Variants in ITSN1 observed in about 807,000 individuals in gnomAD.
The protein encoded by ITSN1 is intersectin 1.
A neutral mutation model predicts 239.8 loss-of-function variants in ITSN1; 58 were observed. That is an observed-to-expected ratio of 0.24 (90% confidence interval 0.20 to 0.30). The LOEUF (loss-of-function observed/expected upper bound fraction) is 0.30, where lower values mean the gene tolerates loss of function less well. Among genes scored for constraint, ITSN1 ranks in the 10% least tolerant of loss-of-function variants. The pLI is 1.00. For synonymous variants in ITSN1, 780 were observed against 770.8 expected, an observed-to-expected ratio of 1.01 and a Z score of -0.20; for missense variants, 1,558 against 2,103.3, an observed-to-expected ratio of 0.74 and a Z score of 5.07.
At chr21:33,837,389 G>A (rs2074658766) in intron 29 of ITSN1, 4 of 990,454 alleles carry the variant, frequency 4.0e-6, no homozygotes, top group East Asian at 2.2e-4. Context: ...TGCTATTTTG[G>A]TTTTGCAAAA....
intron 29 of ITSN1, among the ~76,000 whole-genome samples, chr21:33,843,521 C>T (rs1382228897): frequency 3.3e-5 from 5 of 152,222 alleles, no homozygotes; most frequent in Admixed American, 3.3e-4. Flanking sequence ...GCTGTAGCTT[C>T]CCAATTTTCA....
At chr21:33,840,848 G>C (rs953098713) in intron 29 of ITSN1, among the ~76,000 whole-genome samples, 1 of 152,142 alleles carries the variant, frequency 6.6e-6, no homozygotes, top group African/African-American at 2.4e-5. Context: ...ATTTCATATT[G>C]GTCTGTGTAA....
chr21:33,839,384 C>T lies in ITSN1; in HGVS notation c.3661+2752C>T, dbSNP rs369561361. Among the ~76,000 whole-genome samples the T allele has an allele frequency of 3.3e-5, 5 of 151,310 alleles. No homozygotes were observed. In the East Asian group the frequency reaches 7.8e-4, roughly 24 times the overall value. ...ATCAGAGAACCTTCAGGGGGTGGGG[C>T]GGGGAGTGCCATTTGAGCTGAGACC... On this transcript the variant is annotated intron_variant, in intron 29 of 39. Transcript: ENST00000381318.
intron 10 of ITSN1, 75 bp from the exon 11 acceptor site, chr21:33,767,638 C>A: frequency 1.4e-6 from 1 of 696,730 alleles, no homozygotes; most frequent in Non-Finnish European, 2.4e-6. Flanking sequence ...CTTTAAAAAT[C>A]CTTCTTCATA....
intron 1 of ITSN1, among the ~76,000 whole-genome samples, chr21:33,715,906 GA>G (rs1255570267): frequency 6.6e-6 from 1 of 152,098 alleles, no homozygotes; most frequent in Non-Finnish European, 1.5e-5. Flanking sequence ...GACGGAGTGA[GA>G]CTCTGTCTCA....
intron 29 of ITSN1, chr21:33,838,009 A>G (rs1209454343): frequency 4.1e-6 from 4 of 985,678 alleles, no homozygotes; most frequent in Non-Finnish European, 1.2e-6. Context: ...AAGAATGTAT[A>G]GAAGTCTCCC....
At chr21:33,736,676 G>A (rs2066525409) in intron 5 of ITSN1, among the ~76,000 whole-genome samples, 1 of 152,182 alleles carries the variant, frequency 6.6e-6, no homozygotes, top group East Asian at 1.9e-4. Context: ...TCAGGACCCA[G>A]GCGTTAAAAT....
rs144048618 is a variant in ITSN1 at position 33,774,791 on chromosome 21, A to C, written c.1368A>C (p.Glu456Asp). Residue 456 changes from glutamate (E) to aspartate (D), a missense_variant, in exon 13 of 40, where the codon GAA becomes GAC. Transcript: ENST00000381318. ...QLEWERNRRQ[E>D]LLNQRNKEQE... ...AGTGGGAACGGAATCGAAGGCAAGA[A>C]CTACTAAATCAAAGAAACAAAGAAC... 3.1e-6 allele frequency: 5 copies of C among 1,613,962 alleles called. No individual in the cohort carries two copies. In the African/African-American group the frequency reaches 4.0e-5, roughly 13 times the overall value.
chr21:33,688,143 T>C (rs1020864157), intron 1 of ITSN1, among the ~76,000 whole-genome samples: 3 of 152,166 alleles, frequency 2.0e-5, no homozygotes, highest in Admixed American at 2.0e-4. Context: ...TGGACTGTTA[T>C]TTCATGTATT....
At chr21:33,681,204 T>C (rs2090929668) in intron 1 of ITSN1, among the ~76,000 whole-genome samples, 1 of 152,202 alleles carries the variant, frequency 6.6e-6, no homozygotes, top group Non-Finnish European at 1.5e-5. Context: ...TATGTGTTTG[T>C]ATGGAGCGAT....
At chr21:33,754,408 T>A (rs2067775466) in intron 7 of ITSN1, among the ~76,000 whole-genome samples, 1 of 152,226 alleles carries the variant, frequency 6.6e-6, no homozygotes, top group Non-Finnish European at 1.5e-5. Flanking sequence ...TTTACATGTT[T>A]GAATAGATAT....
At chr21:33,664,841 A>G (rs1391015717) in intron 1 of ITSN1, among the ~76,000 whole-genome samples, 1 of 152,066 alleles carries the variant, frequency 6.6e-6, no homozygotes, top group Non-Finnish European at 1.5e-5. Flanking sequence ...TGATTATATG[A>G]CCTCTCTTAA....
At chr21:33,751,021 T>C (rs2067513985) in intron 6 of ITSN1, among the ~76,000 whole-genome samples, 1 of 152,248 alleles carries the variant, frequency 6.6e-6, no homozygotes, top group Non-Finnish European at 1.5e-5. Context: ...ACTTGAAACA[T>C]TTCTGCGCCT....
intron 1 of ITSN1, among the ~76,000 whole-genome samples, chr21:33,682,070 C>T (rs1436445588): frequency 7.0e-6 from 1 of 143,776 alleles, no homozygotes; most frequent in East Asian, 2.0e-4. Context: ...AGATTATGTG[C>T]TTAAAAAAAA....
chr21:33,772,770 G>T (rs933482474), intron 12 of ITSN1, among the ~76,000 whole-genome samples: 2 of 152,030 alleles, frequency 1.3e-5, no homozygotes, highest in Admixed American at 6.6e-5. Context: ...GCAGTTGATG[G>T]TCATTGTGGC....
intron 16 of ITSN1, among the ~76,000 whole-genome samples, chr21:33,792,858 C>A (rs1282523732): frequency 1.3e-5 from 2 of 152,162 alleles, no homozygotes; most frequent in Non-Finnish European, 2.9e-5. Flanking sequence ...AGGTTCCCTA[C>A]TGAAGCCCCT....
intron 39 of ITSN1, among the ~76,000 whole-genome samples, chr21:33,887,700 G>A (rs1369596536): frequency 6.6e-6 from 1 of 152,158 alleles, no homozygotes; most frequent in East Asian, 1.9e-4. Context: ...CCACCTCCCA[G>A]GCTCAAGCAA....
In ITSN1 at chr21:33,761,956, G is replaced by C; in HGVS notation, c.758G>C (p.Ser253Thr). ...PQARTILMQSSLPQAQLASIW... is the reference protein window; with the variant it reads ...PQARTILMQSTLPQAQLASIW... ...GCAAGAACTATTCTTATGCAGTCAA[G>C]TTTACCACAGGCTCAGCTGGCTTCA... The change falls in exon 9 of 40, where the codon AGT becomes ACT. Residue 253 changes from serine (S) to threonine (T), a missense_variant. Coordinates refer to ENST00000381318, the MANE Select transcript of ITSN1 (RefSeq NM_003024.3). The C allele has an allele frequency of 6.2e-7, 1 of 1,613,850 alleles. No individual in the cohort carries two copies.
At chr21:33,888,130 G>A (rs776520729) in intron 39 of ITSN1, 22 bp from the exon 40 acceptor site, 1 of 1,613,320 alleles carries the variant, frequency 6.2e-7, no homozygotes, top group Non-Finnish European at 8.5e-7. Flanking sequence ...CTCTTAGGAG[G>A]GTCTGTTTGT....
Sources: gnomAD v4.1 joint callset for allele counts (sites outside exome capture counted in the v4.1 genomes callset) on GRCh38, gnomAD v4.1.1 for gene constraint, MANE v1.5 for transcripts, NCBI Gene and HGNC (gene_info 2026-07-23, HGNC 2026-07-21) for gene names.